ST7L: variants seen among roughly 807,000 people sequenced by gnomAD.
The protein encoded by ST7L is suppressor of tumorigenicity 7 protein-like.
Under a neutral mutation model 72.5 loss-of-function variants are expected in ST7L, and 57 were observed. The observed-to-expected ratio is 0.79, with a 90% CI of 0.64 to 0.98. The LOEUF is 0.98. Ranked by LOEUF, ST7L falls within the 50% of genes least tolerant of loss-of-function variation. The probability of loss-of-function intolerance (pLI) is 0.00; values close to 1 mark genes in which losing one functional copy is unlikely to be tolerated. For synonymous variants in ST7L, 221 were observed against 240.9 expected (o/e 0.92, Z 0.77); for missense variants, 576 against 672.2 (o/e 0.86, Z 1.58).
At chr1:112,545,036 G>A (rs1656820726) in intron 13 of ST7L, among the ~76,000 whole-genome samples, 1 of 152,056 alleles carries the variant, frequency 6.6e-6, no homozygotes, top group South Asian at 2.1e-4. Flanking sequence ...GAACTTATGA[G>A]GTCCATAAGC....
At chr1:112,581,893 G>A (rs948104557) in intron 9 of ST7L, 99 bp downstream of exon 9, 13 of 870,366 alleles carry the variant, frequency 1.5e-5, no homozygotes, top group Non-Finnish European at 2.2e-5. Flanking sequence ...TGACTGGTAA[G>A]AACAGAAAGA....
rs144639697 is a variant in ST7L, at chr1:112,557,966, T to C, written c.1246-1948A>G. 1.6e-3 allele frequency among the ~76,000 whole-genome samples: 245 copies of C among 152,338 alleles called. 2 individuals are homozygous for C. Among genetic ancestry groups the C allele is most frequent in the African/African-American group, 5.7e-3 (237 of 41,574 alleles). On this transcript the variant is annotated intron_variant, in intron 11 of 14. Transcript: ENST00000358039. ...ATAACAAAAGCAGTGTAATCACAGTTACTATAGCAATCAAATGTACTTGTT... is the reference window on the plus strand; with the variant it reads ...ATAACAAAAGCAGTGTAATCACAGTCACTATAGCAATCAAATGTACTTGTT...
chr1:112,611,060 A>T, intron 2 of ST7L, 57 bp from the exon 3 acceptor site: 3 of 1,541,806 alleles, frequency 1.9e-6, no homozygotes, highest in Non-Finnish European at 2.6e-6. Context: ...ACATGAGCTC[A>T]AATTAAAACA....
At position 112,598,014 on chromosome 1, in the gene ST7L, G is replaced by A. The variant is rs1388056160; in HGVS notation, c.579C>T (p.Thr193=). The A allele has an allele frequency of 3.1e-6, 5 of 1,613,392 alleles. No individual in the cohort carries two copies. Among genetic ancestry groups the A allele is most frequent in the East Asian group, 4.5e-5 (2 of 44,846 alleles). Residue 193 remains threonine (T), a synonymous_variant, in exon 5 of 15, where the codon ACC becomes ACT. Coordinates refer to ENST00000358039, the MANE Select transcript of ST7L (RefSeq NM_017744.5). ...AAAAATCTGTGTCACAGGTGAAAAA[G>A]GTCTGATGGTCCTGAGCTGACAGGT... ...DMNLSAQDHQ[T]FFTCDTDFLR...
Position 112,599,076 on chromosome 1 carries a change from AT to A in ST7L, c.507-991del, listed in dbSNP as rs1558040641. On this transcript the variant is annotated intron_variant, in intron 4 of 14. Transcript: ENST00000358039. The stretch of plus-strand genomic sequence containing the variant: ...CTCAGCCTCAAAAAAAAAAAAAAAT[AT>A]ATATATATATATATATATATATATA... 8.1e-3 allele frequency among the ~76,000 whole-genome samples: 345 copies of A among 42,696 alleles called. 27 individuals are homozygous for A. Among genetic ancestry groups the A allele is most frequent in the African/African-American group, 0.018 (183 of 9,994 alleles). 28.0% of individuals were successfully genotyped at this position (42,696 alleles called of 152,430 possible). A position where few individuals can be genotyped will look rare whatever the true frequency, so the allele number is the denominator to read the frequency against.
intron 9 of ST7L, among the ~76,000 whole-genome samples, chr1:112,580,091 G>C (rs538892897): frequency 6.6e-6 from 1 of 152,246 alleles, no homozygotes; most frequent in East Asian, 1.9e-4. Flanking sequence ...CAAGTCATGG[G>C]GATTCCCAAG....
chr1:112,615,382 T>A (rs1392665154), intron 2 of ST7L, among the ~76,000 whole-genome samples: 2 of 152,200 alleles, frequency 1.3e-5, no homozygotes, highest in African/African-American at 4.8e-5. Flanking sequence ...TACAACATTA[T>A]CTGATTTACT....
At chr1:112,577,836 G>A (rs1050197518) in intron 10 of ST7L, among the ~76,000 whole-genome samples, 1 of 152,126 alleles carries the variant, frequency 6.6e-6, no homozygotes, top group Admixed American at 6.6e-5. Context: ...CTATTTGGTT[G>A]GTTTCTGAGT....
At chr1:112,619,520 A>G, upstream of ST7L, 1 of 528,570 alleles carries the variant, frequency 1.9e-6, no homozygotes, top group Non-Finnish European at 3.3e-6. Flanking sequence ...TTGTAGGAGT[A>G]GCAACAGCTA....
At chr1:112,575,201 TG>T (rs1192321170) in intron 11 of ST7L, among the ~76,000 whole-genome samples, 1 of 152,232 alleles carries the variant, frequency 6.6e-6, no homozygotes, top group East Asian at 1.9e-4. Context: ...ATTCTGCCAC[TG>T]TACTCCAGCT....
chr1:112,612,547 C>G (rs1237139721), intron 2 of ST7L, among the ~76,000 whole-genome samples: 1 of 152,082 alleles, frequency 6.6e-6, no homozygotes, highest in African/African-American at 2.4e-5. Context: ...AAAGTATAGT[C>G]ATGTTGGGGC....
chr1:112,578,230 G>C (rs1663461941), intron 10 of ST7L, 115 bp downstream of exon 10: 2 of 1,042,722 alleles, frequency 1.9e-6, no homozygotes, highest in Non-Finnish European at 2.9e-6. Context: ...AGAAGATCCA[G>C]GGCTATTCAG....
intron 11 of ST7L, 106 bp downstream of exon 11, chr1:112,576,880 A>T: frequency 1.3e-6 from 1 of 773,766 alleles, no homozygotes; most frequent in Non-Finnish European, 2.1e-6. Context: ...ATAGCAGATT[A>T]AAACAATTCT....
chr1:112,534,399 T>C (rs1342298975), intron 14 of ST7L, among the ~76,000 whole-genome samples: 1 of 152,244 alleles, frequency 6.6e-6, no homozygotes, highest in Non-Finnish European at 1.5e-5. Context: ...ACTCAAACTT[T>C]ACATCTATAA....
downstream of ST7L, chr1:112,521,331 T>C (rs562310702): frequency 1.5e-4 from 16 of 109,052 alleles, no homozygotes; most frequent in African/African-American, 4.4e-4. Flanking sequence ...TTTTTTTTTT[T>C]CTTTTCTTTT....
At chr1:112,619,677 C>CGGGCGCTGGCGT (rs983122611), upstream of ST7L, 34 of 597,494 alleles carry the variant, frequency 5.7e-5, no homozygotes, top group Non-Finnish European at 8.3e-5. Context: ...GGCGCGGGCG[C>CGGGCGCTGGCGT]GGGCGCTGGC....
At chr1:112,594,022 A>G (rs1309585606) in intron 5 of ST7L, among the ~76,000 whole-genome samples, 1 of 152,146 alleles carries the variant, frequency 6.6e-6, no homozygotes, top group Non-Finnish European at 1.5e-5. Flanking sequence ...AGAGAAGTAC[A>G]TAAAACTTTG....
intron 11 of ST7L, among the ~76,000 whole-genome samples, chr1:112,564,003 CAAAG>C (rs981988037): frequency 1.3e-4 from 20 of 152,248 alleles, no homozygotes; most frequent in African/African-American, 4.6e-4. Flanking sequence ...GTCATGCACA[CAAAG>C]AACCAACTTA....
At chr1:112,582,707 T>G (rs978062245) in intron 7 of ST7L, among the ~76,000 whole-genome samples, 2 of 152,170 alleles carry the variant, frequency 1.3e-5, no homozygotes, top group Non-Finnish European at 2.9e-5. Flanking sequence ...AAAATACACA[T>G]TTAATTATTT....
Sources: allele counts gnomAD v4.1 joint callset (sites outside exome capture counted in the v4.1 genomes callset), GRCh38; gene constraint gnomAD v4.1.1; transcripts MANE v1.5; gene names NCBI Gene and HGNC (gene_info 2026-07-23, HGNC 2026-07-21).